Variants in ACAD9 observed in about 807,000 individuals in gnomAD.
The protein encoded by ACAD9 is acyl-CoA dehydrogenase family member 9.
Under a neutral mutation model 70.2 loss-of-function variants are expected in ACAD9, and 53 were observed. The ratio of observed to expected loss-of-function variants is 0.75; its 90% CI spans 0.61 to 0.95. The LOEUF is 0.95. Ranked by LOEUF, ACAD9 falls within the 40% of genes least tolerant of loss-of-function variation. The probability of loss-of-function intolerance (pLI) is 0.00; values close to 1 mark genes in which losing one functional copy is unlikely to be tolerated. For synonymous variants in ACAD9, 313 were observed against 312.1 expected, an observed-to-expected ratio of 1.00 and a Z score of -0.03; for missense variants, 777 against 802.8, an observed-to-expected ratio of 0.97 and a Z score of 0.39.
rs1936501814 is a variant in ACAD9, at chr3:128,912,871, A to G, written c.*264A>G. 3.2e-6 allele frequency: 2 copies of G among 618,892 alleles called. No homozygotes were observed. The highest frequency in any genetic ancestry group is 1.8e-5 in the African/African-American group (1 of 55,554). The allele number at this position is 618,892 out of a possible 1,614,324, so 38.3% of individuals were successfully genotyped here. On this transcript the variant is annotated 3_prime_UTR_variant, in exon 18 of 18. Coordinates refer to ENST00000308982, the MANE Select transcript of ACAD9 (RefSeq NM_014049.5). The stretch of plus-strand genomic sequence containing the variant: ...TTGCTGACCCCTGGAACTGGCGGGT[A>G]TTCTGGTCATTGAGGAGACACCATA...
intron 1 of ACAD9, among the ~76,000 whole-genome samples, chr3:128,881,283 G>C (rs188250569): frequency 6.6e-6 from 1 of 152,230 alleles, no homozygotes; most frequent in Non-Finnish European, 1.5e-5. Flanking sequence ...AGATCTTTCA[G>C]ATCTGTTTCC....
chr3:128,902,523 G>A lies in ACAD9; in HGVS notation c.883-30G>A, dbSNP rs774310927. 1.4e-5 allele frequency: 22 copies of A among 1,613,712 alleles called. No individual in the cohort carries two copies. The East Asian group carries it at 4.9e-4, about 36-fold the overall frequency. ...GCCTCCTCCCTCTGCCTCCTTCAGGGCCCCTGGGCTCTCCCTGTTCTCCCT... is the reference window on the plus strand; with the variant it reads ...GCCTCCTCCCTCTGCCTCCTTCAGGACCCCTGGGCTCTCCCTGTTCTCCCT... On this transcript the variant is annotated intron_variant, in intron 8 of 17. Coordinates refer to ENST00000308982, the MANE Select transcript of ACAD9 (RefSeq NM_014049.5). The surrounding 1 kb of genome is among the most constrained non-coding windows in gnomAD (Gnocchi z 4.0).
chr3:128,899,483 G>A lies in ACAD9; in HGVS notation c.808+22G>A, dbSNP rs192075896. 2,582 of 1,611,782 alleles carry A rather than the reference G, an allele frequency of 1.6e-3. 68 individuals carry two copies. In the Admixed American group the frequency reaches 0.04, roughly 25 times the overall value. On this transcript the variant is annotated intron_variant, in intron 7 of 17. Coordinates refer to ENST00000308982, the MANE Select transcript of ACAD9 (RefSeq NM_014049.5). ...AACAGTAAGTAGCTCCTGTGCGCGC[G>A]TGCGCGTGTGTGTGTGTAAGGGGGA...
At chr3:128,899,621 A>C (rs1360875740) in intron 7 of ACAD9, among the ~76,000 whole-genome samples, 160 bp downstream of exon 7, 1 of 152,050 alleles carries the variant, frequency 6.6e-6, no homozygotes, top group Non-Finnish European at 1.5e-5. Flanking sequence ...AGATTTAAAC[A>C]CTTTCAGTTT....
chr3:128,886,748 AAG>A (rs1323268766), intron 2 of ACAD9, among the ~76,000 whole-genome samples: 3 of 151,890 alleles, frequency 2.0e-5, no homozygotes, highest in Non-Finnish European at 4.4e-5. Context: ...AAAAAAAAAA[AAG>A]AAAAAAATTG....
chr3:128,910,195 T>C (rs1245308573), intron 16 of ACAD9, 46 bp downstream of exon 16: 5 of 1,612,736 alleles, frequency 3.1e-6, no homozygotes, highest in Non-Finnish European at 4.2e-6. Context: ...CTGCCATCTG[T>C]CCTGCTGCAC....
chr3:128,893,743 G>C (rs1219546870), intron 3 of ACAD9, 87 bp downstream of exon 3: 4 of 1,146,694 alleles, frequency 3.5e-6, no homozygotes, highest in Non-Finnish European at 5.2e-6. Context: ...TGCTGGAATA[G>C]ATGACACCAT....
intron 2 of ACAD9, among the ~76,000 whole-genome samples, chr3:128,887,644 A>AATAAATAAAT (rs1436892805): frequency 6.0e-5 from 8 of 133,106 alleles, no homozygotes; most frequent in African/African-American, 2.3e-4. Context: ...AAAATAAATA[A>AATAAATAAAT]ATATATATAT....
At position 128,911,970 on chromosome 3, in the gene ACAD9, C is replaced by G. The variant is rs893026085; in HGVS notation, c.1766-537C>G. ...TCTTCCTCTTCTATAGCCACTCGAC[C>G]ATATCTAGGAATGCCCAGCTCAGTC... On this transcript the variant is annotated intron_variant, in intron 17 of 17. Transcript: ENST00000308982. 4.4e-4 allele frequency among the ~76,000 whole-genome samples: 67 copies of G among 152,228 alleles called. 1 individual carries two copies. Among genetic ancestry groups the G allele is most frequent in the Non-Finnish European group, 3.4e-4 (23 of 68,038 alleles).
chr3:128,910,348 G>A lies in ACAD9; in HGVS notation c.1692+199G>A, dbSNP rs554851854. On this transcript the variant is annotated intron_variant, in intron 16 of 17. Transcript: ENST00000308982. ...CTTCTTCCTGACTGAGAGAAGAGGG[G>A]GTGAGTGACAGGGGTTCCTGATCCC... The A allele has an allele frequency of 3.2e-4, 469 of 1,469,650 alleles. 2 individuals are homozygous for A. Among genetic ancestry groups the A allele is most frequent in the South Asian group, 1.3e-3 (92 of 72,774 alleles). 91.0% of individuals were successfully genotyped at this position (1,469,650 alleles called of 1,614,324 possible).
intron 2 of ACAD9, among the ~76,000 whole-genome samples, chr3:128,890,450 C>G (rs1559821038): frequency 6.6e-6 from 1 of 152,060 alleles, no homozygotes; most frequent in African/African-American, 2.4e-5. Flanking sequence ...TGCCTGTAAT[C>G]CCAGCACTTT....
chr3:128,891,174 T>C (rs1450495101), intron 2 of ACAD9, among the ~76,000 whole-genome samples: 1 of 152,098 alleles, frequency 6.6e-6, no homozygotes, highest in Non-Finnish European at 1.5e-5. Context: ...GATCTTGTAG[T>C]TACCCATGTA....
chr3:128,898,255 G>A (rs1198201075), intron 6 of ACAD9, among the ~76,000 whole-genome samples: 1 of 152,126 alleles, frequency 6.6e-6, no homozygotes, highest in Non-Finnish European at 1.5e-5. Flanking sequence ...CCTGCTTATG[G>A]CCACTGTGCC....
rs1935758254 is a variant in ACAD9, at chr3:128,902,169, T to C, written c.883-384T>C. Among the ~76,000 whole-genome samples, 1 of 152,274 alleles carries C rather than the reference T, an allele frequency of 6.6e-6. No individual in the cohort carries two copies. ...CTATCAGTAATGCTACTTATGAACA[T>C]TCATGTCAAGTTTTAATGTGGAAAT... On this transcript the variant is annotated intron_variant, in intron 8 of 17. Transcript: ENST00000308982. This position sits in a 1 kb window ranked among gnomAD's most constrained non-coding sequence, Gnocchi z 4.0.
At chr3:128,911,999 C>T (rs1192444712) in intron 17 of ACAD9, among the ~76,000 whole-genome samples, 2 of 152,240 alleles carry the variant, frequency 1.3e-5, no homozygotes, top group Non-Finnish European at 2.9e-5. Flanking sequence ...CTCAGTCTAC[C>T]TCTGACCCTC....
intron 6 of ACAD9, chr3:128,898,558 T>C: frequency 2.9e-6 from 1 of 349,056 alleles, no homozygotes; most frequent in Non-Finnish European, 5.5e-6. Context: ...GGCACACAGC[T>C]AACTCTTTGT....
At chr3:128,910,459 G>C in intron 16 of ACAD9, 1 of 938,506 alleles carries the variant, frequency 1.1e-6, no homozygotes, top group Non-Finnish European at 1.6e-6. Flanking sequence ...AGGACCCACT[G>C]TATACCAGGA....
intron 6 of ACAD9, 91 bp downstream of exon 6, chr3:128,897,801 C>A: frequency 8.4e-7 from 1 of 1,186,282 alleles, no homozygotes; most frequent in Non-Finnish European, 1.2e-6. Context: ...GGGATTGTAC[C>A]TGCTGCTGTA....
intron 15 of ACAD9, chr3:128,909,692 C>G: frequency 1.7e-6 from 1 of 600,270 alleles, no homozygotes; most frequent in Non-Finnish European, 2.9e-6. Context: ...GAGGGCAGCT[C>G]CACCTGGGGC....
Sources: allele counts gnomAD v4.1 joint callset (sites outside exome capture counted in the v4.1 genomes callset), GRCh38; gene constraint gnomAD v4.1.1; non-coding constraint Gnocchi (gnomAD v3.1); transcripts MANE v1.5; gene names NCBI Gene and HGNC (gene_info 2026-07-23, HGNC 2026-07-21).